BRCA1: variants seen among roughly 807,000 people sequenced by gnomAD.
The protein encoded by BRCA1 is breast cancer type 1 susceptibility protein.
In BRCA1, 140 loss-of-function variants were observed where a neutral mutation model predicts 173.7. The ratio of observed to expected loss-of-function variants is 0.81; its 90% confidence interval spans 0.70 to 0.93. The LOEUF (loss-of-function observed/expected upper bound fraction) is 0.93. BRCA1 is among the 40% of genes least tolerant of loss of function. The probability of loss-of-function intolerance (pLI) is 0.00; values close to 1 mark genes in which losing one functional copy is unlikely to be tolerated. For missense variants in BRCA1, 1,983 were observed against 2,172.5 expected, an observed-to-expected ratio of 0.91 and a Z score of 1.73; for synonymous variants, 662 against 756.0, an observed-to-expected ratio of 0.88 and a Z score of 2.04.
chr17:43,094,078 C>T lies in BRCA1; in HGVS notation c.1453G>A (p.Ala485Thr). ...ATTATCTGTGGCTCAGTAACAAATG[C>T]TCCTATAATTAGATTTTCAGTTACA... ...SHVTENLIIGAFVTEPQIIQE... is the reference protein window; with the variant it reads ...SHVTENLIIGTFVTEPQIIQE... Residue 485 changes from alanine (A) to threonine (T), a missense_variant, in exon 10 of 23, where the codon GCA (alanine) becomes ACA (threonine). Coordinates refer to ENST00000357654, the MANE Select transcript of BRCA1 (RefSeq NM_007294.4). 1.9e-6 allele frequency: 3 copies of T among 1,614,034 alleles called. No homozygotes were observed. Among genetic ancestry groups the T allele is most frequent in the Non-Finnish European group, 2.5e-6 (3 of 1,179,982 alleles).
chr17:43,157,184 A>C (rs1038009977), intron 1 of BRCA1, among the ~76,000 whole-genome samples: 1 of 152,264 alleles, frequency 6.6e-6, no homozygotes, highest in Non-Finnish European at 1.5e-5. Context: ...ATAGTGACTT[A>C]GAGTCCAGCA....
At chr17:43,132,524 C>G (rs2154581341) in intron 1 of BRCA1, 1 of 151,926 alleles carries the variant, frequency 6.6e-6, no homozygotes, top group South Asian at 2.1e-4. Flanking sequence ...CTTACTAGTT[C>G]TGTGGCTCTG....
chr17:43,122,618 T>C (rs2055628293), intron 2 of BRCA1, among the ~76,000 whole-genome samples: 1 of 152,110 alleles, frequency 6.6e-6, no homozygotes, highest in African/African-American at 2.4e-5. Flanking sequence ...TCAAGATTTT[T>C]AGACCATGGC....
At position 43,120,637 on chromosome 17, in the gene BRCA1, C is replaced by T. The variant is rs1164057895; in HGVS notation, c.80+3380G>A. On this transcript the variant is annotated intron_variant, in intron 2 of 22. Coordinates refer to ENST00000357654, the MANE Select transcript of BRCA1 (RefSeq NM_007294.4). Reference sequence around the variant, plus strand: ...AAAATTAGCCGGGCGTGGTGGTGGACGCCTGTAGTCCCAGCTACTTGGGGG... The same window carrying T: ...AAAATTAGCCGGGCGTGGTGGTGGATGCCTGTAGTCCCAGCTACTTGGGGG... Among the ~76,000 whole-genome samples the T allele has an allele frequency of 3.3e-5, 5 of 152,056 alleles. No individual in the cohort carries two copies. The East Asian group carries it at 5.8e-4, about 18-fold the overall frequency.
chr17:43,142,833 TC>T, intron 1 of BRCA1, among the ~76,000 whole-genome samples: 1 of 151,974 alleles, frequency 6.6e-6, no homozygotes, highest in Non-Finnish European at 1.5e-5. Context: ...AACCTCCACT[TC>T]CCAGGTTCAA....
intron 14 of BRCA1, among the ~76,000 whole-genome samples, chr17:43,072,858 A>G (rs1370766613): frequency 6.7e-6 from 1 of 148,500 alleles, no homozygotes; most frequent in Non-Finnish European, 1.5e-5. Flanking sequence ...GCCACCCACC[A>G]CGCCTGGCCC....
intron 6 of BRCA1, among the ~76,000 whole-genome samples, chr17:43,102,518 A>G (rs576863492): frequency 2.6e-5 from 4 of 151,270 alleles, no homozygotes; most frequent in Admixed American, 6.6e-5. Flanking sequence ...CACCACACCC[A>G]GCTAATTTTT....
intron 1 of BRCA1, chr17:43,162,987 G>A (rs1200869234): frequency 6.6e-6 from 1 of 152,208 alleles, no homozygotes; most frequent in East Asian, 1.9e-4. Flanking sequence ...GGGGTTTAGG[G>A]TGTTGCAAAC....
At position 43,093,422 on chromosome 17, in the gene BRCA1, T is replaced by C. The variant is rs4986844; in HGVS notation, c.2109A>G (p.Thr703=). 414 of 1,614,070 alleles carry C rather than the reference T, an allele frequency of 2.6e-4. 2 individuals are homozygous for C. The African/African-American group carries it at 5.0e-3, about 20-fold the overall frequency. The change falls in exon 10 of 23, where the codon ACA becomes ACG. Residue 703 remains threonine (T), a synonymous_variant. Transcript: ENST00000357654. ...ACTTAGTAAAAGAACCAGGTGCATTTGTTAACTTCAGCTCTGGGAAAGTAT... is the reference window on the plus strand; with the variant it reads ...ACTTAGTAAAAGAACCAGGTGCATTCGTTAACTTCAGCTCTGGGAAAGTAT... ...DSDTFPELKL[T]NAPGSFTKCS...
intron 11 of BRCA1, among the ~76,000 whole-genome samples, chr17:43,090,374 T>TTTTG (rs893158988): frequency 6.6e-6 from 1 of 152,076 alleles, no homozygotes; most frequent in African/African-American, 2.4e-5. Context: ...AATGATGTGT[T>TTTTG]TTTGTTTGTT....
chr17:43,157,953 C>T (rs2154581674), intron 1 of BRCA1, among the ~76,000 whole-genome samples: 1 of 150,688 alleles, frequency 6.6e-6, no homozygotes. Flanking sequence ...CCGAGATGTG[C>T]CATTGCACTC....
chr17:43,125,795 T>TG (rs144689288), upstream of BRCA1: 2,552 of 154,432 alleles, frequency 0.017, 68 homozygotes, highest in African/African-American at 0.058. Context: ...TAAGGATTGT[T>TG]GGGGGGGTGG....
intron 3 of BRCA1, among the ~76,000 whole-genome samples, chr17:43,109,040 CTCTA>C (rs2054922878): frequency 1.2e-5 from 1 of 86,156 alleles, no homozygotes; most frequent in African/African-American, 3.6e-5. Context: ...ATATCTATAT[CTCTA>C]TCTATCTACC....
chr17:43,114,917 C>T (rs2055193429), intron 3 of BRCA1, among the ~76,000 whole-genome samples: 1 of 152,092 alleles, frequency 6.6e-6, no homozygotes, highest in South Asian at 2.1e-4. Context: ...ATTTTCATTT[C>T]AAAAGACAAG....
chr17:43,152,862 CAAAAATAA>C (rs1449028356), intron 1 of BRCA1, among the ~76,000 whole-genome samples: 3 of 150,212 alleles, frequency 2.0e-5, no homozygotes, highest in South Asian at 4.2e-4. Flanking sequence ...GACTCCGTCT[CAAAAATAA>C]AAAAATAAAA....
At chr17:43,079,823 AAAAAG>A (rs1463561328) in intron 12 of BRCA1, 7 of 730,206 alleles carry the variant, frequency 9.6e-6, no homozygotes, top group South Asian at 6.3e-5. Flanking sequence ...GACTGTAAAA[AAAAAG>A]AAAAGTCATT....
chr17:43,045,902 G>GAT (rs1171092089), intron 22 of BRCA1, 100 bp from the exon 23 acceptor site: 11 of 1,466,492 alleles, frequency 7.5e-6, no homozygotes, highest in Non-Finnish European at 1.0e-5. Context: ...GAGTTCTTAG[G>GAT]ATTAATGAGG....
intron 17 of BRCA1, 76 bp from the exon 18 acceptor site, chr17:43,063,449 G>T (rs1567768923): frequency 8.0e-7 from 1 of 1,242,360 alleles, no homozygotes; most frequent in Non-Finnish European, 1.2e-6. Flanking sequence ...AGAGGTCAGC[G>T]ATTCACAAAA....
intron 1 of BRCA1, chr17:43,168,024 C>T (rs1281683710): frequency 2.1e-5 from 4 of 194,730 alleles, no homozygotes; most frequent in Non-Finnish European, 4.3e-5. Flanking sequence ...TTTTAAAGTT[C>T]TTCAGTTAAG....
Sources: gnomAD v4.1 joint callset for allele counts (sites outside exome capture counted in the v4.1 genomes callset) on GRCh38, gnomAD v4.1.1 for gene constraint, MANE v1.5 for transcripts, NCBI Gene and HGNC (gene_info 2026-07-23, HGNC 2026-07-21) for gene names.